The following SYT2 variants were observed in gnomAD, a reference collection of about 807,000 sequenced individuals.
The protein encoded by SYT2 is synaptotagmin 2.
A neutral mutation model predicts 39.9 loss-of-function variants in SYT2; 15 were observed. That is an observed-to-expected ratio of 0.38 (90% CI 0.25 to 0.58). The LOEUF (loss-of-function observed/expected upper bound fraction) is 0.58, where lower values mean the gene tolerates loss of function less well. SYT2 is among the 20% of genes least tolerant of loss of function. The probability of loss-of-function intolerance (pLI) is 0.70; values close to 1 mark genes in which losing one functional copy is unlikely to be tolerated. For missense variants in SYT2, 389 were observed against 530.3 expected (o/e 0.73, Z 2.62); for synonymous variants, 181 against 204.5 (o/e 0.89, Z 0.98).
intron 1 of SYT2, among the ~76,000 whole-genome samples, chr1:202,607,996 C>G (rs375011596): frequency 4.6e-5 from 7 of 152,268 alleles, no homozygotes; most frequent in East Asian, 3.9e-4. Context: ...TTAGCATAAC[C>G]TAAGTTAGAA....
chr1:202,598,523 C>T (rs113529792), intron 8 of SYT2, among the ~76,000 whole-genome samples: 1 of 150,834 alleles, frequency 6.6e-6, no homozygotes, highest in East Asian at 2.0e-4. Context: ...AGCCCTCCTG[C>T]GGGGAGGAGA....
Position 202,626,397 on chromosome 1 carries a change from G to GTTTTTT in SYT2, c.-17-20609_-17-20608insAAAAAA, listed in dbSNP as rs1558437010. Among the ~76,000 whole-genome samples, 26 of 102,436 alleles carry GTTTTTT rather than the reference G, an allele frequency of 2.5e-4. No individual in the cohort carries two copies. The East Asian group carries it at 5.7e-3, about 23-fold the overall frequency. 67.2% of individuals were successfully genotyped at this position (102,436 alleles called of 152,430 possible). ...TTGCATCTCCCAAGACAGCCTCTCA[G>GTTTTTT]CTTTTTTTTTTTTTTTTTTTTTTTT... On this transcript the variant is annotated intron_variant, in intron 1 of 8. Transcript: ENST00000367268.
intron 1 of SYT2, among the ~76,000 whole-genome samples, chr1:202,637,436 T>G (rs763951807): frequency 1.1e-4 from 17 of 152,218 alleles, no homozygotes; most frequent in Non-Finnish European, 2.4e-4. Context: ...AAAGTACGCA[T>G]GCAAGAAGTC....
chr1:202,607,953 G>A (rs1300701344), intron 1 of SYT2, among the ~76,000 whole-genome samples: 1 of 152,038 alleles, frequency 6.6e-6, no homozygotes, highest in Non-Finnish European at 1.5e-5. Context: ...ACAGTTCAGT[G>A]CATTTTATTG....
Position 202,598,792 on chromosome 1 carries a change from C to A in SYT2, c.1053+426G>T, listed in dbSNP as rs112923985. ...GGGTGGAGGGAGAGAGGAGAGGAAG[C>A]AGATCAGAGGAGTAGATGGGAAAGA... is the stretch of plus-strand genomic sequence containing the variant. On this transcript the variant is annotated intron_variant, in intron 8 of 8. Transcript: ENST00000367268. 5.0e-3 allele frequency among the ~76,000 whole-genome samples: 766 copies of A among 152,214 alleles called. 8 individuals are homozygous for A. Among genetic ancestry groups the A allele is most frequent in the African/African-American group, 0.018 (731 of 41,514 alleles).
chr1:202,611,822 G>T (rs1176266328), intron 1 of SYT2, among the ~76,000 whole-genome samples: 1 of 152,126 alleles, frequency 6.6e-6, no homozygotes, highest in Non-Finnish European at 1.5e-5. Flanking sequence ...TATGGGAGTT[G>T]CATAGTTTTA....
chr1:202,705,800 C>T (rs886784596), intron 1 of SYT2, among the ~76,000 whole-genome samples: 2 of 151,702 alleles, frequency 1.3e-5, no homozygotes, highest in South Asian at 2.1e-4. Context: ...ACTGCAGTCT[C>T]GACCTCCTGG....
chr1:202,612,320 G>A (rs573060247), intron 1 of SYT2, among the ~76,000 whole-genome samples: 10 of 151,658 alleles, frequency 6.6e-5, no homozygotes, highest in African/African-American at 1.2e-4. Context: ...CCATACTGTC[G>A]TGATTACTGT....
At chr1:202,692,412 T>C (rs983558045) in intron 1 of SYT2, among the ~76,000 whole-genome samples, 2 of 152,144 alleles carry the variant, frequency 1.3e-5, no homozygotes, top group Non-Finnish European at 2.9e-5. Flanking sequence ...AAGAGTCCCC[T>C]GCTCTAAACA....
intron 1 of SYT2, among the ~76,000 whole-genome samples, chr1:202,615,056 A>G (rs1357015019): frequency 6.6e-6 from 1 of 152,220 alleles, no homozygotes; most frequent in Non-Finnish European, 1.5e-5. Context: ...GCGGGGAAAG[A>G]GTTGAAAACA....
chr1:202,708,011 C>T lies in SYT2; in HGVS notation c.-18+2247G>A, dbSNP rs187402243. Reference sequence around the variant, plus strand: ...CAATGTGAGGGCAGGTGAGCCCAGACCCAGCTCCAGAAAGGGTCTCCTCGG... The same window carrying T: ...CAATGTGAGGGCAGGTGAGCCCAGATCCAGCTCCAGAAAGGGTCTCCTCGG... On this transcript the variant is annotated intron_variant, in intron 1 of 8. Coordinates refer to ENST00000367268, the MANE Select transcript of SYT2 (RefSeq NM_177402.5). Among the ~76,000 whole-genome samples, 349 of 152,292 alleles carry T rather than the reference C, an allele frequency of 2.3e-3. 1 individual carries two copies. Among genetic ancestry groups the T allele is most frequent in the African/African-American group, 8.1e-3 (337 of 41,560 alleles).
At chr1:202,686,964 G>A (rs888308116) in intron 1 of SYT2, among the ~76,000 whole-genome samples, 1 of 151,964 alleles carries the variant, frequency 6.6e-6, no homozygotes, top group South Asian at 2.1e-4. Context: ...TGATTCCCTT[G>A]GGCGGACCTG....
intron 1 of SYT2, among the ~76,000 whole-genome samples, chr1:202,682,091 T>C (rs560815406): frequency 5.1e-4 from 77 of 152,260 alleles, no homozygotes; most frequent in African/African-American, 1.7e-3. Flanking sequence ...GCCACCTCTG[T>C]AGCTCCCTGG....
chr1:202,624,961 GTGTGTGGCA>G (rs1471473986), intron 1 of SYT2, among the ~76,000 whole-genome samples: 4 of 137,432 alleles, frequency 2.9e-5, no homozygotes, highest in African/African-American at 5.4e-5. Context: ...TGTGGTGTCT[GTGTGTGGCA>G]TGTGTGGTGT....
intron 1 of SYT2, among the ~76,000 whole-genome samples, chr1:202,680,147 C>A (rs945804889): frequency 2.0e-5 from 3 of 152,198 alleles, no homozygotes; most frequent in African/African-American, 7.2e-5. Context: ...CAGAGCCCAG[C>A]ACAGGCCTGC....
At chr1:202,666,972 A>T (rs1481572257) in intron 1 of SYT2, among the ~76,000 whole-genome samples, 1 of 152,108 alleles carries the variant, frequency 6.6e-6, no homozygotes. Flanking sequence ...ACTGAGCGAA[A>T]CTCTGTCTCA....
chr1:202,640,679 T>A (rs1303980052), intron 1 of SYT2, among the ~76,000 whole-genome samples: 1 of 149,452 alleles, frequency 6.7e-6, no homozygotes, highest in Non-Finnish European at 1.5e-5. Context: ...TATTGGAAAG[T>A]CAGGCAGTCT....
At chr1:202,656,344 G>A (rs935548397) in intron 1 of SYT2, among the ~76,000 whole-genome samples, 20 of 152,130 alleles carry the variant, frequency 1.3e-4, no homozygotes, top group Non-Finnish European at 2.2e-4. Context: ...TGAGGGCTTC[G>A]GCTCCCCTAT....
chr1:202,621,829 T>C (rs974824589), intron 1 of SYT2, among the ~76,000 whole-genome samples: 3 of 152,230 alleles, frequency 2.0e-5, no homozygotes, highest in African/African-American at 4.8e-5. Context: ...TGGGATTCCC[T>C]TGGTGTGCCC....
Sources: gnomAD v4.1 joint callset for allele counts (sites outside exome capture counted in the v4.1 genomes callset) on GRCh38, gnomAD v4.1.1 for gene constraint, MANE v1.5 for transcripts, NCBI Gene and HGNC (gene_info 2026-07-23, HGNC 2026-07-21) for gene names.